Variants in CYP7B1 observed in about 807,000 individuals in gnomAD.
CYP7B1 encodes the protein cytochrome P450 7B1.
A neutral mutation model predicts 42.7 loss-of-function variants in CYP7B1; 29 were observed. The observed-to-expected ratio is 0.68, with a 90% CI of 0.51 to 0.93. The LOEUF (loss-of-function observed/expected upper bound fraction) is 0.93, where lower values mean the gene tolerates loss of function less well. CYP7B1 is among the 40% of genes least tolerant of loss of function. CYP7B1 has a pLI of 0.00. For missense variants in CYP7B1, 655 were observed against 600.5 expected, an observed-to-expected ratio of 1.09 and a Z score of -0.95; for synonymous variants, 235 against 218.2, an observed-to-expected ratio of 1.08 and a Z score of -0.68.
At chr8:64,617,278 C>T (rs938086554) in intron 2 of CYP7B1, among the ~76,000 whole-genome samples, 7 of 152,144 alleles carry the variant, frequency 4.6e-5, no homozygotes, top group Non-Finnish European at 7.4e-5. Context: ...GTGTCCTTTT[C>T]GATGAGGTCC....
chr8:64,748,594 CT>C (rs1363622928), intron 1 of CYP7B1, among the ~76,000 whole-genome samples: 1 of 152,172 alleles, frequency 6.6e-6, no homozygotes, highest in Non-Finnish European at 1.5e-5. Flanking sequence ...TTTCCTCTGA[CT>C]TTCACAATCA....
chr8:64,619,082 A>G lies in CYP7B1; in HGVS notation c.260-2801T>C, dbSNP rs536693912. Among the ~76,000 whole-genome samples the G allele has an allele frequency of 1.9e-4, 29 of 152,312 alleles. No individual in the cohort carries two copies. The East Asian group carries it at 5.4e-3, about 28-fold the overall frequency. On this transcript the variant is annotated intron_variant, in intron 2 of 5. Coordinates refer to ENST00000310193, the MANE Select transcript of CYP7B1 (RefSeq NM_004820.5). The stretch of plus-strand genomic sequence containing the variant: ...GGCTTTCCAACTTTTAATCTTCAGT[A>G]TAAACAATTTAAGCTAAGTTTTCCA...
chr8:64,741,409 T>C (rs759254310), intron 1 of CYP7B1, among the ~76,000 whole-genome samples: 5 of 152,044 alleles, frequency 3.3e-5, no homozygotes, highest in Non-Finnish European at 5.9e-5. Flanking sequence ...AACCTTCACC[T>C]CCCGAATTCA....
intron 1 of CYP7B1, among the ~76,000 whole-genome samples, chr8:64,701,869 C>T (rs2356986): frequency 0.3 from 46,226 of 151,938 alleles, 8,046 homozygotes; most frequent in African/African-American, 0.48. Flanking sequence ...TATTATATCA[C>T]AGAGGTTATT....
At chr8:64,795,789 A>T (rs1228301509) in intron 1 of CYP7B1, among the ~76,000 whole-genome samples, 2 of 152,198 alleles carry the variant, frequency 1.3e-5, no homozygotes, top group Non-Finnish European at 2.9e-5. Flanking sequence ...AGCCACTGTC[A>T]TCTCTCCTGA....
chr8:64,644,614 G>A (rs553267611), intron 1 of CYP7B1, among the ~76,000 whole-genome samples: 1 of 152,274 alleles, frequency 6.6e-6, no homozygotes, highest in African/African-American at 2.4e-5. Flanking sequence ...TCAATAAGCA[G>A]TAATAGTTTG....
At chr8:64,747,911 C>T (rs999914149) in intron 1 of CYP7B1, among the ~76,000 whole-genome samples, 8 of 151,914 alleles carry the variant, frequency 5.3e-5, no homozygotes, top group African/African-American at 1.9e-4. Flanking sequence ...ATGAAGTCAC[C>T]CAATGGGTAA....
In CYP7B1 at chr8:64,595,498, T is replaced by C. The variant is rs1046497017; in HGVS notation, c.*1144A>G. The stretch of plus-strand genomic sequence containing the variant: ...CATGTGGTACTCTGATATTAGAATC[T>C]TTGAATCACTGGGCTTGGTGGTACA... On this transcript the variant is annotated 3_prime_UTR_variant, in exon 6 of 6. Coordinates refer to ENST00000310193, the MANE Select transcript of CYP7B1 (RefSeq NM_004820.5). 1.1e-4 allele frequency among the ~76,000 whole-genome samples: 17 copies of C among 152,196 alleles called. No individual in the cohort carries two copies. The highest frequency in any genetic ancestry group is 3.9e-4 in the African/African-American group (16 of 41,458).
chr8:64,757,556 A>G (rs1255898918), intron 1 of CYP7B1, among the ~76,000 whole-genome samples: 6 of 152,174 alleles, frequency 3.9e-5, no homozygotes, highest in Non-Finnish European at 7.4e-5. Flanking sequence ...AGCTACAGAG[A>G]TCAACAATGG....
chr8:64,598,798 C>A (rs1017749333), intron 5 of CYP7B1, among the ~76,000 whole-genome samples: 4 of 152,154 alleles, frequency 2.6e-5, no homozygotes, highest in African/African-American at 9.7e-5. Context: ...ATGTTCTATT[C>A]AATTTTCTCA....
In CYP7B1 at chr8:64,771,047, C is replaced by CTTTTTTTTTTTTTTTTT. The variant is rs757503820; in HGVS notation, c.122+27402_122+27418dup. ...AATCTCAAGAGTGGGATATCAGCATCTTTTTTTTTTTTTTTTTTTTTTTTT... is the reference window on the plus strand; with the variant it reads ...AATCTCAAGAGTGGGATATCAGCATCTTTTTTTTTTTTTTTTTTTTTTTTTTTTTTTTTTTTTTTTTT... On this transcript the variant is annotated intron_variant, in intron 1 of 5. Coordinates refer to ENST00000310193, the MANE Select transcript of CYP7B1 (RefSeq NM_004820.5). Among the ~76,000 whole-genome samples the CTTTTTTTTTTTTTTTTT allele has an allele frequency of 3.5e-3, 150 of 42,500 alleles. 55 individuals carry two copies. Among genetic ancestry groups the CTTTTTTTTTTTTTTTTT allele is most frequent in the Non-Finnish European group, 4.8e-3 (112 of 23,198 alleles). 27.9% of individuals were successfully genotyped at this position (42,500 alleles called of 152,430 possible).
chr8:64,596,756 A>G lies in CYP7B1; in HGVS notation c.1407T>C (p.Tyr469=), dbSNP rs369591012. 1.4e-5 allele frequency: 22 copies of G among 1,613,894 alleles called. No individual in the cohort carries two copies. Among genetic ancestry groups the G allele is most frequent in the Non-Finnish European group, 1.8e-5 (21 of 1,179,936 alleles). ...IKQLLVILLT[Y]FDLEIIDDKP... is the part of the protein sequence containing the mutation. ...TATCATCAATTATTTCTAAATCAAA[A>G]TAAGTTAAAAGTATAACCAACAATT... Residue 469 remains tyrosine (Y), a synonymous_variant, in exon 6 of 6, where the codon TAT becomes TAC. Coordinates refer to ENST00000310193, the MANE Select transcript of CYP7B1 (RefSeq NM_004820.5).
chr8:64,681,096 T>C (rs1374160081), intron 1 of CYP7B1, among the ~76,000 whole-genome samples: 1 of 152,220 alleles, frequency 6.6e-6, no homozygotes. Flanking sequence ...GTACAAGTTT[T>C]AAAATGTTTG....
rs576504721 is a variant in CYP7B1 at position 64,737,171 on chromosome 8, T to C, written c.122+61295A>G. ...TAGACAGAGTGCAATGATATGATCA[T>C]AGCTCACTGCAACCTTGAACTCCTG... On this transcript the variant is annotated intron_variant, in intron 1 of 5. Transcript: ENST00000310193. Among the ~76,000 whole-genome samples, 8 of 152,324 alleles carry C rather than the reference T, an allele frequency of 5.3e-5. No individual in the cohort carries two copies. The East Asian group carries it at 9.7e-4, about 18-fold the overall frequency.
At chr8:64,723,697 C>T (rs1807278707) in intron 1 of CYP7B1, among the ~76,000 whole-genome samples, 1 of 151,990 alleles carries the variant, frequency 6.6e-6, no homozygotes, top group Non-Finnish European at 1.5e-5. Flanking sequence ...TTTTTCAACC[C>T]TAAAACCTCA....
At chr8:64,735,092 C>T (rs1807467205) in intron 1 of CYP7B1, among the ~76,000 whole-genome samples, 1 of 152,086 alleles carries the variant, frequency 6.6e-6, no homozygotes, top group African/African-American at 2.4e-5. Context: ...ACTGAGGACC[C>T]CTGGTCTAGA....
At chr8:64,664,379 T>TTA (rs1175662895) in intron 1 of CYP7B1, among the ~76,000 whole-genome samples, 3 of 152,192 alleles carry the variant, frequency 2.0e-5, no homozygotes, top group Admixed American at 6.5e-5. Context: ...TAGAACTCAT[T>TTA]TATGTCAGAC....
chr8:64,795,711 T>A (rs1224741095), intron 1 of CYP7B1, among the ~76,000 whole-genome samples: 1 of 152,232 alleles, frequency 6.6e-6, no homozygotes, highest in Non-Finnish European at 1.5e-5. Context: ...TTATGTTGAC[T>A]CTGCTGTCAA....
Position 64,798,606 on chromosome 8 carries a change from C to G in CYP7B1, c.-19G>C. Reference sequence around the variant, plus strand: ...CTGCCATCCGGCGCGCGCTAGGCCGCGGTGGGCAGCCCGGGGTCTGCCTGC... The same window carrying G: ...CTGCCATCCGGCGCGCGCTAGGCCGGGGTGGGCAGCCCGGGGTCTGCCTGC... On this transcript the variant is annotated 5_prime_UTR_variant, in exon 1 of 6. Coordinates refer to ENST00000310193, the MANE Select transcript of CYP7B1 (RefSeq NM_004820.5). 6.9e-7 allele frequency: 1 copy of G among 1,453,418 alleles called. No individual in the cohort carries two copies. The highest frequency in any genetic ancestry group is 9.0e-7 in the Non-Finnish European group (1 of 1,112,792). 90.0% of individuals were successfully genotyped at this position (1,453,418 alleles called of 1,614,324 possible).
Sources: gnomAD v4.1 joint callset for allele counts (sites outside exome capture counted in the v4.1 genomes callset) on GRCh38, gnomAD v4.1.1 for gene constraint, MANE v1.5 for transcripts, NCBI Gene and HGNC (gene_info 2026-07-23, HGNC 2026-07-21) for gene names.